Variants in KIF1B observed in about 807,000 individuals in gnomAD.
KIF1B encodes kinesin-like protein KIF1B.
A neutral mutation model predicts 241.9 loss-of-function variants in KIF1B; 76 were observed. The observed-to-expected ratio is 0.31, with a 90% CI of 0.26 to 0.38. The LOEUF (loss-of-function observed/expected upper bound fraction) is 0.38. Ranked by LOEUF, KIF1B falls within the 10% of genes least tolerant of loss-of-function variation. KIF1B has a pLI of 1.00. For missense variants in KIF1B, 1,622 were observed against 2,271.4 expected (o/e 0.71, Z 5.81); for synonymous variants, 750 against 796.7 (o/e 0.94, Z 0.99).
chr1:10,248,315 T>C (rs1275235860), intron 2 of KIF1B, among the ~76,000 whole-genome samples: 2 of 151,978 alleles, frequency 1.3e-5, no homozygotes, highest in Non-Finnish European at 2.9e-5. Context: ...TCTTTCTGCC[T>C]CAGCTTCCTG....
intron 40 of KIF1B, 100 bp downstream of exon 40, chr1:10,361,925 C>A: frequency 7.0e-7 from 1 of 1,428,492 alleles, no homozygotes; most frequent in Non-Finnish European, 9.8e-7. Context: ...GGTTAGTTTA[C>A]AGTTTATGAA....
chr1:10,234,626 A>G (rs758039080), intron 2 of KIF1B, among the ~76,000 whole-genome samples: 24 of 151,316 alleles, frequency 1.6e-4, no homozygotes, highest in African/African-American at 5.6e-4. Context: ...GGCTCAATCA[A>G]TCCTCCTGTC....
chr1:10,290,731 G>C (rs1463476891), intron 15 of KIF1B, among the ~76,000 whole-genome samples: 2 of 151,720 alleles, frequency 1.3e-5, no homozygotes, highest in Non-Finnish European at 2.9e-5. Context: ...TTAACTGGGC[G>C]TGGTGGCACG....
rs776678008 is a variant in KIF1B at position 10,282,445 on chromosome 1, G to C, written c.1346G>C (p.Ser449Thr). The C allele has an allele frequency of 6.2e-7, 1 of 1,614,044 alleles. No individual in the cohort carries two copies. The highest frequency in any genetic ancestry group is 1.1e-5 in the South Asian group (1 of 91,090). Residue 449 changes from serine to threonine, a missense_variant, in exon 15 of 49, where the codon AGT becomes ACT. Coordinates refer to ENST00000676179, the MANE Select transcript of KIF1B (RefSeq NM_001365951.3). Reference sequence around the variant, plus strand: ...TCATCCCCATCTTCCTGCTCACTCAGTAGTCAGGTGGGCTTGACGTCTGTG... The same window carrying C: ...TCATCCCCATCTTCCTGCTCACTCACTAGTCAGGTGGGCTTGACGTCTGTG... ...LTSSPSSCSL[S>T]SQVGLTSVTS...
chr1:10,306,314 G>A, intron 22 of KIF1B: 1 of 1,047,366 alleles, frequency 9.5e-7, no homozygotes, highest in Non-Finnish European at 1.2e-6. Flanking sequence ...GTGCCATTTG[G>A]TTTGAATGTA....
chr1:10,349,158 G>C (rs939185980), intron 37 of KIF1B, among the ~76,000 whole-genome samples: 2 of 152,192 alleles, frequency 1.3e-5, no homozygotes, highest in Non-Finnish European at 1.5e-5. Context: ...ATCTCTGCTG[G>C]CTGGGTGTGG....
rs1299507296 is a variant in KIF1B, at chr1:10,215,620, A to T, written c.-80+4742A>T. Among the ~76,000 whole-genome samples, 4 of 152,058 alleles carry T rather than the reference A, an allele frequency of 2.6e-5. No homozygotes were observed. The South Asian group carries it at 8.3e-4, about 31-fold the overall frequency. ...GAGTGCAGTGGCGCAGTCATGGCTC[A>T]CTGCAGCCTTGACCTCCTGGGCTCA... On this transcript the variant is annotated intron_variant, in intron 1 of 48. Transcript: ENST00000676179.
chr1:10,286,684 A>C (rs995518127), intron 15 of KIF1B, among the ~76,000 whole-genome samples: 2 of 152,220 alleles, frequency 1.3e-5, no homozygotes, highest in Non-Finnish European at 2.9e-5. Flanking sequence ...GAAGAGATTA[A>C]ATTGTTTAGC....
intron 2 of KIF1B, among the ~76,000 whole-genome samples, chr1:10,234,379 T>G (rs1647021810): frequency 6.6e-6 from 1 of 152,032 alleles, no homozygotes; most frequent in African/African-American, 2.4e-5. Context: ...GGCTAATTTT[T>G]GTGTTTTTAG....
chr1:10,259,773 T>C (rs1040769428), intron 4 of KIF1B, among the ~76,000 whole-genome samples: 23 of 151,926 alleles, frequency 1.5e-4, no homozygotes, highest in African/African-American at 5.3e-4. Flanking sequence ...GTGCAGGGAT[T>C]GCAGGCATGA....
chr1:10,321,747 G>A lies in KIF1B; in HGVS notation c.2248G>A (p.Ala750Thr), dbSNP rs1651531106. The stretch of plus-strand genomic sequence containing the variant: ...GCATGAATTTGAGTTGGCCCAATGG[G>A]CCTTCCGGAAATGGAAGTCTCATCA... The part of the protein sequence containing the change: ...TQHEFELAQW[A>T]FRKWKSHQFT... The change falls in exon 24 of 49, where the codon GCC becomes ACC. Residue 750 changes from alanine (A) to threonine (T), a missense_variant. Ala to Thr is a moderately conservative substitution (Grantham distance 58). Coordinates refer to ENST00000676179, the MANE Select transcript of KIF1B (RefSeq NM_001365951.3). 6.2e-7 allele frequency: 1 copy of A among 1,614,124 alleles called. No homozygotes were observed. Among genetic ancestry groups the A allele is most frequent in the Non-Finnish European group, 8.5e-7 (1 of 1,179,968 alleles).
chr1:10,358,409 T>C (rs1348521617), intron 38 of KIF1B, among the ~76,000 whole-genome samples: 1 of 152,134 alleles, frequency 6.6e-6, no homozygotes, highest in Admixed American at 6.6e-5. Flanking sequence ...GCAGCATTGA[T>C]AGAAATTTCT....
Position 10,295,077 on chromosome 1 carries a change from C to G in KIF1B, c.1591-9C>G, listed in dbSNP as rs1428929019. The G allele has an allele frequency of 6.3e-7, 1 of 1,591,224 alleles. No individual in the cohort carries two copies. Among genetic ancestry groups the G allele is most frequent in the Non-Finnish European group, 8.6e-7 (1 of 1,159,172 alleles). On this transcript the variant is annotated splice_polypyrimidine_tract_variant and intron_variant, in intron 17 of 48. Coordinates refer to ENST00000676179, the MANE Select transcript of KIF1B (RefSeq NM_001365951.3). ...CTGCTCCAAATTGATCATCTGTAATCTTTTTCAGACCCCACATCTTGTTAA... is the reference window on the plus strand; with the variant it reads ...CTGCTCCAAATTGATCATCTGTAATGTTTTTCAGACCCCACATCTTGTTAA...
intron 15 of KIF1B, among the ~76,000 whole-genome samples, chr1:10,289,645 AGGCTGAAGCG>A (rs1371424906): frequency 6.6e-6 from 1 of 152,138 alleles, no homozygotes; most frequent in African/African-American, 2.4e-5. Context: ...GCACTTTGGG[AGGCTGAAGCG>A]GGCCGATCAC....
intron 1 of KIF1B, among the ~76,000 whole-genome samples, chr1:10,224,615 T>G (rs1397111513): frequency 2.0e-5 from 3 of 151,378 alleles, no homozygotes; most frequent in Non-Finnish European, 4.4e-5. Context: ...TGGTAGAGAG[T>G]GTCTGAATAT....
chr1:10,337,046 C>T lies in KIF1B; in HGVS notation c.3130-28C>T, dbSNP rs1652205575. The stretch of plus-strand genomic sequence containing the variant: ...AAAATACGTTTTTATACTACTTTAC[C>T]ATGTATCTGCCCCTGCCTTTTTTTC... On this transcript the variant is annotated intron_variant, in intron 29 of 48. Coordinates refer to ENST00000676179, the MANE Select transcript of KIF1B (RefSeq NM_001365951.3). The surrounding 1 kb of genome is among the most constrained non-coding windows in gnomAD (Gnocchi z 4.0). 6.2e-7 allele frequency: 1 copy of T among 1,613,768 alleles called. No homozygotes were observed. Among genetic ancestry groups the T allele is most frequent in the Admixed American group, 1.7e-5 (1 of 59,994 alleles).
intron 38 of KIF1B, among the ~76,000 whole-genome samples, chr1:10,359,814 G>A (rs1342544922): frequency 2.0e-5 from 3 of 151,766 alleles, no homozygotes; most frequent in South Asian, 4.2e-4. Context: ...TGGGCAGAGC[G>A]CTTGAGGTCA....
chr1:10,332,127 C>T (rs992574730), intron 27 of KIF1B, among the ~76,000 whole-genome samples: 9 of 151,962 alleles, frequency 5.9e-5, no homozygotes, highest in Non-Finnish European at 8.8e-5. Context: ...TGCAATGGTG[C>T]GATCTCGGCT....
intron 7 of KIF1B, among the ~76,000 whole-genome samples, chr1:10,270,652 C>T (rs1010600135): frequency 9.9e-5 from 15 of 152,056 alleles, no homozygotes; most frequent in Non-Finnish European, 1.3e-4. Context: ...AGGCTGGGCA[C>T]GGTGGCTCAC....
Sources: gnomAD v4.1 joint callset for allele counts (sites outside exome capture counted in the v4.1 genomes callset) on GRCh38, gnomAD v4.1.1 for gene constraint, Gnocchi (gnomAD v3.1) non-coding constraint, MANE v1.5 for transcripts, NCBI Gene and HGNC (gene_info 2026-07-23, HGNC 2026-07-21) for gene names.